SORBS2: variants seen among roughly 807,000 people sequenced by gnomAD.
SORBS2 encodes sorbin and SH3 domain containing 2.
SORBS2 carries 46 observed loss-of-function variants against 97.7 expected under a neutral mutation model. That is an observed-to-expected ratio of 0.47 (90% CI 0.37 to 0.60). The LOEUF is 0.60. SORBS2 is among the 20% of genes least tolerant of loss of function. The pLI is 0.00. For missense variants in SORBS2, 1,316 were observed against 1,282.3 expected, an observed-to-expected ratio of 1.03 and a Z score of -0.40; for synonymous variants, 476 against 473.4, an observed-to-expected ratio of 1.01 and a Z score of -0.07.
chr4:185,698,563 T>C (rs1437754131), intron 2 of SORBS2, among the ~76,000 whole-genome samples: 9 of 152,204 alleles, frequency 5.9e-5, no homozygotes. Flanking sequence ...TCTTTCCCTT[T>C]AAAATATTAC....
At chr4:185,830,202 T>C (rs1485418208) in intron 1 of SORBS2, among the ~76,000 whole-genome samples, 3 of 152,204 alleles carry the variant, frequency 2.0e-5, no homozygotes, top group South Asian at 4.1e-4. Flanking sequence ...ATGTAGCACA[T>C]TGAATGGTGC....
At chr4:185,642,351 A>T (rs1056033123) in intron 4 of SORBS2, among the ~76,000 whole-genome samples, 21 of 148,986 alleles carry the variant, frequency 1.4e-4, no homozygotes, top group African/African-American at 4.9e-4. Context: ...ATTTTCATAT[A>T]TTTTTTTTTT....
intron 12 of SORBS2, among the ~76,000 whole-genome samples, chr4:185,604,640 T>G (rs1362391482): frequency 6.6e-6 from 1 of 152,222 alleles, no homozygotes; most frequent in African/African-American, 2.4e-5. Flanking sequence ...ACTAATAACC[T>G]TGGGAAGTTA....
At chr4:185,800,068 C>T (rs2099123038) in intron 1 of SORBS2, among the ~76,000 whole-genome samples, 1 of 152,138 alleles carries the variant, frequency 6.6e-6, no homozygotes, top group Non-Finnish European at 1.5e-5. Context: ...GTGGTGCACG[C>T]CTGTAATCCT....
At chr4:185,780,264 C>T (rs2099021802) in intron 1 of SORBS2, among the ~76,000 whole-genome samples, 1 of 152,132 alleles carries the variant, frequency 6.6e-6, no homozygotes, top group African/African-American at 2.4e-5. Context: ...ATCCACGCAC[C>T]TCAGCCTCCC....
At position 185,670,080 on chromosome 4, in the gene SORBS2, G is replaced by A. The variant is rs552088492; in HGVS notation, c.-45-7838C>T. Among the ~76,000 whole-genome samples the A allele has an allele frequency of 1.2e-4, 19 of 152,110 alleles. 1 individual carries two copies. The highest frequency in any genetic ancestry group is 1.5e-4 in the Non-Finnish European group (10 of 67,984). ...CTAAAAATACAAAAATTAGCCAGGC[G>A]TGATGGCAGGTGCCTGTAATCCCAG... On this transcript the variant is annotated intron_variant, in intron 4 of 20. Transcript: ENST00000284776.
At chr4:185,814,434 G>A (rs878870953) in intron 1 of SORBS2, among the ~76,000 whole-genome samples, 2 of 151,998 alleles carry the variant, frequency 1.3e-5, no homozygotes, top group Admixed American at 6.6e-5. Flanking sequence ...CCAGCTACTC[G>A]GGAGGCTGAG....
chr4:185,678,465 T>G, exon 4 of SORBS2: 2 of 1,551,146 alleles, frequency 1.3e-6, no homozygotes, highest in Non-Finnish European at 1.7e-6. Flanking sequence ...GTCGAACGCT[T>G]CTAAAACCTT....
At chr4:185,630,987 G>A (rs979465118) in intron 4 of SORBS2, among the ~76,000 whole-genome samples, 1 of 152,152 alleles carries the variant, frequency 6.6e-6, no homozygotes, top group Non-Finnish European at 1.5e-5. Flanking sequence ...ATGGTTTGAT[G>A]TTTTAAAAAA....
At chr4:185,599,093 T>C (rs78459179) in intron 12 of SORBS2, among the ~76,000 whole-genome samples, 5,626 of 152,306 alleles carry the variant, frequency 0.037, 372 homozygotes, top group African/African-American at 0.13. Flanking sequence ...GGTCTTCCTA[T>C]GCAATGCAAA....
rs563870580 is a variant in SORBS2, at chr4:185,696,583, A to G, written c.-197-17761T>C. On this transcript the variant is annotated intron_variant, in intron 2 of 20. Coordinates refer to the SORBS2 transcript ENST00000284776. ...ATTCTCCTGCCTCAGCCTCCCGAGT[A>G]GCTGGGATTACAGGCATGCACCACC... is the stretch of plus-strand genomic sequence containing the variant. Among the ~76,000 whole-genome samples, 149 of 152,250 alleles carry G rather than the reference A, an allele frequency of 9.8e-4. 3 individuals are homozygous for G. The South Asian group carries it at 0.03, about 31-fold the overall frequency.
At chr4:185,614,159 GTT>G (rs34929054) in intron 11 of SORBS2, among the ~76,000 whole-genome samples, 5,564 of 91,212 alleles carry the variant, frequency 0.061, 38 homozygotes, top group African/African-American at 0.11. Context: ...GTTTTTTTGT[GTT>G]TTTTTTTTTT....
intron 1 of SORBS2, among the ~76,000 whole-genome samples, chr4:185,935,766 C>T (rs188443809): frequency 5.3e-5 from 8 of 152,186 alleles, no homozygotes; most frequent in East Asian, 1.9e-4. Flanking sequence ...CAATCAGAGC[C>T]GTAGTTGGTA....
chr4:185,741,412 T>TG (rs1398850689), intron 2 of SORBS2, among the ~76,000 whole-genome samples: 6 of 144,986 alleles, frequency 4.1e-5, no homozygotes, highest in Non-Finnish European at 9.0e-5. Flanking sequence ...TTGTTTTTTT[T>TG]TTTTTTTTTG....
intron 1 of SORBS2, among the ~76,000 whole-genome samples, chr4:185,955,930 A>C (rs1181071446): frequency 6.6e-6 from 1 of 152,144 alleles, no homozygotes; most frequent in Non-Finnish European, 1.5e-5. Context: ...TGCATTTGTA[A>C]CCAGCTTACC....
intron 2 of SORBS2, among the ~76,000 whole-genome samples, chr4:185,760,287 T>C (rs1341740877): frequency 6.6e-6 from 1 of 152,190 alleles, no homozygotes; most frequent in Non-Finnish European, 1.5e-5. Flanking sequence ...ATTACAGCCA[T>C]GCAGTGCCTC....
intron 1 of SORBS2, among the ~76,000 whole-genome samples, chr4:185,868,907 G>A (rs1488871540): frequency 1.3e-5 from 2 of 152,148 alleles, no homozygotes; most frequent in Non-Finnish European, 2.9e-5. Context: ...TTAAATACAG[G>A]GTAATGAAGA....
intron 4 of SORBS2, among the ~76,000 whole-genome samples, chr4:185,665,432 A>G (rs927486883): frequency 6.6e-6 from 1 of 152,248 alleles, no homozygotes. Flanking sequence ...ACATATTGTG[A>G]TGTATACTTA....
At chr4:185,661,121 A>C (rs1454256754), upstream of SORBS2, among the ~76,000 whole-genome samples, 1 of 151,982 alleles carries the variant, frequency 6.6e-6, no homozygotes, top group African/African-American at 2.4e-5. Context: ...TACTAAAAAT[A>C]CAAAATTAGC....
Sources: allele counts gnomAD v4.1 joint callset (sites outside exome capture counted in the v4.1 genomes callset), GRCh38; gene constraint gnomAD v4.1.1; transcripts MANE v1.5; gene names NCBI Gene and HGNC (gene_info 2026-07-23, HGNC 2026-07-21).